ATP12A: variants seen among roughly 807,000 people sequenced by gnomAD.
ATP12A encodes the protein ATPase H+/K+ transporting non-gastric alpha2 subunit.
Under a neutral mutation model 111.2 loss-of-function variants are expected in ATP12A, and 81 were observed. The ratio of observed to expected loss-of-function variants is 0.73; its 90% confidence interval spans 0.61 to 0.88. The LOEUF is 0.88. ATP12A is among the 40% of genes least tolerant of loss of function. The pLI is 0.00. For missense variants in ATP12A, 1,196 were observed against 1,313.1 expected (o/e 0.91, Z 1.38); for synonymous variants, 498 against 499.8 (o/e 1.00, Z 0.05).
At position 24,699,548 on chromosome 13, in the gene ATP12A, G is replaced by A. The variant is rs3783062; in HGVS notation, c.1705+698G>A. ...GATCAGGGCAAGAGACTTCATAGAG[G>A]TAGAGTTTGGTAAGATTTAGAACCT... On this transcript the variant is annotated intron_variant, in intron 12 of 22. Coordinates refer to ENST00000381946, the MANE Select transcript of ATP12A (RefSeq NM_001676.7). Among the ~76,000 whole-genome samples the A allele has an allele frequency of 2.9e-3, 442 of 152,330 alleles. 4 individuals carry two copies. The highest frequency in any genetic ancestry group is 9.6e-3 in the African/African-American group (401 of 41,576).
At chr13:24,701,069 G>T (rs1354518619) in intron 13 of ATP12A, 147 bp downstream of exon 13, 7 of 997,606 alleles carry the variant, frequency 7.0e-6, no homozygotes, top group African/African-American at 1.6e-5. Context: ...CTGTGCTAAG[G>T]TTACTGAAAC....
chr13:24,708,950 A>AAGG lies in ATP12A; in HGVS notation c.2494-413_2494-412insGGA, dbSNP rs1566078338. Among the ~76,000 whole-genome samples the AAGG allele has an allele frequency of 6.1e-5, 8 of 131,498 alleles. 1 individual carries two copies. Among genetic ancestry groups the AAGG allele is most frequent in the African/African-American group, 2.1e-4 (7 of 32,754 alleles). 86.3% of individuals were successfully genotyped at this position (131,498 alleles called of 152,430 possible). On this transcript the variant is annotated intron_variant, in intron 17 of 22. Coordinates refer to ENST00000381946, the MANE Select transcript of ATP12A (RefSeq NM_001676.7). ...GAAAGAAAGAAAGAAAGAAAGAAAG[A>AAGG]AAGAAAGAAAGAAGGAAAGAGAAAG...
chr13:24,701,877 C>T, intron 13 of ATP12A, 58 bp from the exon 14 acceptor site: 1 of 1,610,590 alleles, frequency 6.2e-7, no homozygotes, highest in Non-Finnish European at 8.5e-7. Flanking sequence ...GAACCATCCC[C>T]ACTTTGGCCA....
At chr13:24,684,778 G>A (rs1047540392) in intron 2 of ATP12A, among the ~76,000 whole-genome samples, 1 of 152,242 alleles carries the variant, frequency 6.6e-6, no homozygotes, top group African/African-American at 2.4e-5. Context: ...TTATTCAGCA[G>A]AACTTTTCCC....
chr13:24,682,147 T>TAC (rs1874489953), intron 2 of ATP12A, among the ~76,000 whole-genome samples: 4 of 95,128 alleles, frequency 4.2e-5, no homozygotes, highest in African/African-American at 1.7e-4. Context: ...TATATGTGTG[T>TAC]GGTGTGTGTG....
intron 5 of ATP12A, among the ~76,000 whole-genome samples, chr13:24,689,759 A>G (rs888467387): frequency 2.6e-5 from 4 of 152,026 alleles, no homozygotes; most frequent in African/African-American, 4.8e-5. Context: ...TTTGGTGGGG[A>G]AGCCCAGTGC....
chr13:24,689,313 G>A lies in ATP12A; in HGVS notation c.484G>A (p.Ala162Thr). The A allele has an allele frequency of 6.2e-7, 1 of 1,614,106 alleles. No homozygotes were observed. ...GGTGGTCATTTTAACGGGGATCTTT[G>A]CTTATTACCAAGAGGCAAAAAGCAC... ...GLVVILTGIFAYYQEAKSTNI... is the reference protein window; with the variant it reads ...GLVVILTGIFTYYQEAKSTNI... Residue 162 changes from alanine (A) to threonine (T), a missense_variant, in exon 5 of 23, where the codon GCT becomes ACT. Physicochemically the swap from Ala to Thr is moderately conservative, Grantham distance 58 (BLOSUM62 0). This residue lies in a region of ATP12A where 1,126 missense variants were observed against 1,228.5 expected (regional missense o/e 0.92). Coordinates refer to ENST00000381946, the MANE Select transcript of ATP12A (RefSeq NM_001676.7).
rs376631141 is a variant in ATP12A at position 24,695,441 on chromosome 13, T to A, written c.1512+863T>A. Reference sequence around the variant, plus strand: ...GACAGTTGGGAGCCCCAGGTCCCCATGCAGATGGGATTTTCCACAGAGCCC... The same window carrying A: ...GACAGTTGGGAGCCCCAGGTCCCCAAGCAGATGGGATTTTCCACAGAGCCC... On this transcript the variant is annotated intron_variant, in intron 11 of 22. Coordinates refer to ENST00000381946, the MANE Select transcript of ATP12A (RefSeq NM_001676.7). Among the ~76,000 whole-genome samples the A allele has an allele frequency of 2.0e-5, 3 of 152,108 alleles. No homozygotes were observed. In the South Asian group the frequency reaches 6.2e-4, roughly 32 times the overall value.
At position 24,701,989 on chromosome 13, in the gene ATP12A, G is replaced by T. The variant is rs1190351279; in HGVS notation, c.1936G>T (p.Val646Leu). Reference sequence around the variant, plus strand: ...CACAGCCAAAGCTATTGCCAAGAGTGTGGGGATCATTTCAGCCAACAGTGA... The same window carrying T: ...CACAGCCAAAGCTATTGCCAAGAGTTTGGGGATCATTTCAGCCAACAGTGA... The part of the protein sequence containing the change: ...PITAKAIAKS[V>L]GIISANSETV... The change falls in exon 14 of 23, where the codon GTG (valine) becomes TTG (leucine). Residue 646 changes from valine (V) to leucine (L), a missense_variant. By Grantham distance (32) the Val-to-Leu change is conservative (BLOSUM62 1). Around this residue, in one of 3 missense-constraint regions of ATP12A, gnomAD observed 1,126 missense variants for 1,228.5 expected, o/e 0.92. Coordinates refer to ENST00000381946, the MANE Select transcript of ATP12A (RefSeq NM_001676.7). 1.2e-6 allele frequency: 2 copies of T among 1,614,244 alleles called. No individual in the cohort carries two copies. The highest frequency in any genetic ancestry group is 2.2e-5 in the East Asian group (1 of 44,886).
intron 11 of ATP12A, among the ~76,000 whole-genome samples, chr13:24,697,517 G>A (rs1875214931): frequency 6.6e-6 from 1 of 151,834 alleles, no homozygotes; most frequent in Admixed American, 6.6e-5. Flanking sequence ...GCACATACCT[G>A]TAGTCCCAGC....
At chr13:24,692,233 G>A (rs2137698914) in intron 8 of ATP12A, among the ~76,000 whole-genome samples, 196 bp from the exon 9 acceptor site, 2 of 152,190 alleles carry the variant, frequency 1.3e-5, no homozygotes, top group South Asian at 4.1e-4. Context: ...TTTAAAAAAG[G>A]ATTGTGGCAT....
intron 17 of ATP12A, among the ~76,000 whole-genome samples, chr13:24,708,891 A>AGAAAGAAAG (rs1875793813): frequency 8.4e-6 from 1 of 119,574 alleles, no homozygotes; most frequent in African/African-American, 3.3e-5. Flanking sequence ...AGAAAGAGAA[A>AGAAAGAAAG]GAAAGAAAGG....
At position 24,709,671 on chromosome 13, in the gene ATP12A, T is replaced by G. The variant is rs764726644; in HGVS notation, c.2618-12T>G. ...TCATAGAACCTGTGTCCTATCTCTC[T>G]TGTTCTTTCAGGCCTCATGCAAGCC... On this transcript the variant is annotated splice_polypyrimidine_tract_variant and intron_variant, in intron 18 of 22. Transcript: ENST00000381946. 3.1e-6 allele frequency: 5 copies of G among 1,613,850 alleles called. No individual in the cohort carries two copies. Among genetic ancestry groups the G allele is most frequent in the Non-Finnish European group, 4.2e-6 (5 of 1,179,860 alleles).
chr13:24,682,046 GGT>G (rs1478951337), intron 2 of ATP12A, among the ~76,000 whole-genome samples: 2 of 121,758 alleles, frequency 1.6e-5, no homozygotes, highest in South Asian at 2.8e-4. Context: ...GTATGTGTGT[GGT>G]GTGTGTGTAT....
intron 14 of ATP12A, 75 bp downstream of exon 14, chr13:24,702,146 A>C: frequency 6.4e-7 from 1 of 1,569,096 alleles, no homozygotes; most frequent in Non-Finnish European, 8.7e-7. Context: ...GAGCTGCACT[A>C]CTTGGAACAA....
intron 2 of ATP12A, among the ~76,000 whole-genome samples, chr13:24,684,442 A>G: frequency 6.6e-6 from 1 of 152,208 alleles, no homozygotes; most frequent in East Asian, 1.9e-4. Context: ...GTTTCAGACA[A>G]TCAGGGTTTA....
rs1874388336 is a variant in ATP12A at position 24,680,532 on chromosome 13, G to A, written c.-212G>A. ...TGGCGGGGACGTGGGCGGGGCGGGC[G>A]GCATTTAAGGCTGGTGCCACCTCCC... On this transcript the variant is annotated 5_prime_UTR_variant, in exon 1 of 23. Coordinates refer to ENST00000381946, the MANE Select transcript of ATP12A (RefSeq NM_001676.7). 2.0e-6 allele frequency: 1 copy of A among 504,944 alleles called. No homozygotes were observed. The highest frequency in any genetic ancestry group is 2.0e-5 in the African/African-American group (1 of 48,952). 31.3% of individuals were successfully genotyped at this position (504,944 alleles called of 1,614,324 possible).
chr13:24,689,243 C>G lies in ATP12A; in HGVS notation c.433-19C>G, dbSNP rs544543634. 6.2e-7 allele frequency: 1 copy of G among 1,607,168 alleles called. No homozygotes were observed. Among genetic ancestry groups the G allele is most frequent in the Admixed American group, 1.7e-5 (1 of 60,010 alleles). ...TCCCACTGCTGGTTTCTCTGACTGA[C>G]GCCCTCCTTCTCACCCAGGTGTACT... On this transcript the variant is annotated intron_variant, in intron 4 of 22. Transcript: ENST00000381946.
In ATP12A at chr13:24,688,326, C is replaced by T; in HGVS notation, c.236C>T (p.Ser79Phe). ...TTTGTTTGGCTTTCCCAGGGTCTCT[C>T]CAGCACCAGAGCTGCCGAGCTCCTG... ...KYGTDIIMGL[S>F]STRAAELLAR... The change falls in exon 4 of 23, where the codon TCC (serine) becomes TTC (phenylalanine). Residue 79 changes from serine to phenylalanine, a missense_variant. Ser to Phe is a radical substitution (Grantham distance 155, BLOSUM62 -2). Around this residue, in one of 3 missense-constraint regions of ATP12A, gnomAD observed 1,126 missense variants for 1,228.5 expected, o/e 0.92. Coordinates refer to ENST00000381946, the MANE Select transcript of ATP12A (RefSeq NM_001676.7). The T allele has an allele frequency of 6.2e-7, 1 of 1,613,142 alleles. No individual in the cohort carries two copies. Among genetic ancestry groups the T allele is most frequent in the Non-Finnish European group, 8.5e-7 (1 of 1,179,574 alleles).
Sources: gnomAD v4.1 joint callset for allele counts (sites outside exome capture counted in the v4.1 genomes callset) on GRCh38, gnomAD v4.1.1 for gene constraint, gnomAD v4.1.1 regional missense constraint, MANE v1.5 for transcripts, NCBI Gene and HGNC (gene_info 2026-07-23, HGNC 2026-07-21) for gene names.